PRKCE: variants seen among roughly 807,000 people sequenced by gnomAD.
PRKCE encodes the protein protein kinase C epsilon type.
A neutral mutation model predicts 85.4 loss-of-function variants in PRKCE; 16 were observed. That is an observed-to-expected ratio of 0.19 (90% confidence interval 0.13 to 0.28). The LOEUF (loss-of-function observed/expected upper bound fraction) is 0.28. PRKCE is among the 10% of genes least tolerant of loss of function. PRKCE has a pLI of 1.00. For synonymous variants in PRKCE, 388 were observed against 371.5 expected (o/e 1.04, Z -0.51); for missense variants, 573 against 975.2 (o/e 0.59, Z 5.49).
chr2:45,869,706 C>CTTTTTTTTTTTT (rs71394860), intron 2 of PRKCE, among the ~76,000 whole-genome samples: 1 of 109,310 alleles, frequency 9.1e-6, no homozygotes, highest in Admixed American at 1.1e-4. Flanking sequence ...TTCTCTCTCT[C>CTTTTTTTTTTTT]TTTTTTTTTT....
rs1040409015 is a variant in PRKCE at position 45,907,296 on chromosome 2, T to C, written c.412+64233T>C. On this transcript the variant is annotated intron_variant, in intron 2 of 14. Transcript: ENST00000306156. This position sits in a 1 kb window ranked among gnomAD's most constrained non-coding sequence, Gnocchi z 4.5. Reference sequence around the variant, plus strand: ...AAGGAAAAAATAAATCAGCCCCCTATTGAGTGACTTTCAGGAATGAGAGGC... The same window carrying C: ...AAGGAAAAAATAAATCAGCCCCCTACTGAGTGACTTTCAGGAATGAGAGGC... Among the ~76,000 whole-genome samples the C allele has an allele frequency of 6.6e-6, 1 of 152,170 alleles. No homozygotes were observed. The highest frequency in any genetic ancestry group is 1.5e-5 in the Non-Finnish European group (1 of 68,028).
At chr2:45,776,417 C>A (rs549864425) in intron 1 of PRKCE, among the ~76,000 whole-genome samples, 1 of 152,216 alleles carries the variant, frequency 6.6e-6, no homozygotes, top group East Asian at 1.9e-4. Flanking sequence ...TGCCACTGCT[C>A]CTGAAGAGAA....
intron 2 of PRKCE, among the ~76,000 whole-genome samples, chr2:45,878,672 GACTCAAATAACCT>G (rs1200968071): frequency 1.3e-5 from 2 of 152,104 alleles, no homozygotes; most frequent in African/African-American, 4.8e-5. Flanking sequence ...TGGTATAGTT[GACTCAAATAACCT>G]ACTCTGCCAT....
chr2:46,135,505 G>A (rs1674881961), intron 11 of PRKCE, among the ~76,000 whole-genome samples: 1 of 152,106 alleles, frequency 6.6e-6, no homozygotes, highest in South Asian at 2.1e-4. Flanking sequence ...GAGCACTTGT[G>A]GGATTAAATG....
intron 2 of PRKCE, among the ~76,000 whole-genome samples, chr2:45,847,776 G>T (rs1024687186): frequency 5.3e-5 from 8 of 152,186 alleles, no homozygotes; most frequent in Non-Finnish European, 1.2e-4. Context: ...TCTTCAGAAA[G>T]CTTTTTATAG....
intron 10 of PRKCE, among the ~76,000 whole-genome samples, chr2:46,050,684 T>C (rs1490744811): frequency 6.6e-6 from 1 of 152,194 alleles, no homozygotes; most frequent in Non-Finnish European, 1.5e-5. Flanking sequence ...TCTGGGACAA[T>C]TTCAGGACAC....
intron 2 of PRKCE, among the ~76,000 whole-genome samples, chr2:45,926,074 T>C (rs1006674680): frequency 6.6e-6 from 1 of 152,206 alleles, no homozygotes; most frequent in Admixed American, 6.5e-5. Context: ...AGTTTTTTTC[T>C]ACATCCCAGG....
chr2:45,764,676 T>A (rs1197800114), intron 1 of PRKCE, among the ~76,000 whole-genome samples: 1 of 152,140 alleles, frequency 6.6e-6, no homozygotes, highest in African/African-American at 2.4e-5. Context: ...TGAGAAAAAA[T>A]TGATCTGTTC....
intron 11 of PRKCE, among the ~76,000 whole-genome samples, chr2:46,127,893 G>C (rs1049970508): frequency 1.9e-4 from 29 of 152,230 alleles, no homozygotes; most frequent in Admixed American, 2.0e-4. Context: ...GTGTTTCTCA[G>C]ACATGGCCGT....
rs545140602 is a variant in PRKCE, at chr2:45,670,169, G to C, written c.348+17721G>C. ...GACACCCCCACCCAGTAAGTCGGCC[G>C]CGTGCCTTCTCTAATGGGATTTGAA... On this transcript the variant is annotated intron_variant, in intron 1 of 14. Coordinates refer to ENST00000306156, the MANE Select transcript of PRKCE (RefSeq NM_005400.3). Among the ~76,000 whole-genome samples, 3 of 152,260 alleles carry C rather than the reference G, an allele frequency of 2.0e-5. No homozygotes were observed. The East Asian group carries it at 5.8e-4, about 29-fold the overall frequency.
At chr2:46,137,870 G>A (rs1034599510) in intron 11 of PRKCE, among the ~76,000 whole-genome samples, 5 of 151,778 alleles carry the variant, frequency 3.3e-5, no homozygotes, top group Non-Finnish European at 7.4e-5. Context: ...CATCTTCTTT[G>A]CATACCAGTT....
At chr2:46,048,972 C>G (rs1054648432) in intron 10 of PRKCE, among the ~76,000 whole-genome samples, 2 of 152,114 alleles carry the variant, frequency 1.3e-5, no homozygotes, top group Non-Finnish European at 2.9e-5. Context: ...AGTAATGCCT[C>G]CATCTGACCT....
intron 1 of PRKCE, among the ~76,000 whole-genome samples, chr2:45,665,902 G>T (rs921754023): frequency 6.6e-6 from 1 of 152,156 alleles, no homozygotes; most frequent in African/African-American, 2.4e-5. Context: ...CCCTGTGAGG[G>T]CAGAGGAGGG....
At chr2:45,964,142 G>GT (rs1326070899) in intron 2 of PRKCE, among the ~76,000 whole-genome samples, 4 of 152,194 alleles carry the variant, frequency 2.6e-5, no homozygotes, top group Admixed American at 1.3e-4. Flanking sequence ...TAAAAGGCTT[G>GT]TTATTTGTTC....
intron 1 of PRKCE, among the ~76,000 whole-genome samples, chr2:45,812,305 A>C (rs1188852575): frequency 2.0e-5 from 3 of 152,232 alleles, no homozygotes; most frequent in Admixed American, 6.5e-5. Context: ...GAAGCCACAG[A>C]TCTTGTACGG....
At chr2:45,959,916 G>C (rs765152984) in intron 2 of PRKCE, among the ~76,000 whole-genome samples, 1 of 152,098 alleles carries the variant, frequency 6.6e-6, no homozygotes, top group Non-Finnish European at 1.5e-5. Flanking sequence ...TTATTTGTTT[G>C]TTTGTTTGTT....
chr2:46,047,286 A>T (rs1285615408), intron 10 of PRKCE, among the ~76,000 whole-genome samples: 1 of 152,214 alleles, frequency 6.6e-6, no homozygotes, highest in Non-Finnish European at 1.5e-5. Flanking sequence ...TCTCATCTCC[A>T]GTTGGCCAAG....
intron 2 of PRKCE, among the ~76,000 whole-genome samples, chr2:45,975,862 T>G (rs1202956941): frequency 6.6e-6 from 1 of 152,198 alleles, no homozygotes; most frequent in Non-Finnish European, 1.5e-5. Flanking sequence ...AAAATGCTCT[T>G]GGTTGGCTTA....
intron 12 of PRKCE, among the ~76,000 whole-genome samples, chr2:46,146,682 G>C (rs1236428605): frequency 6.6e-6 from 1 of 152,196 alleles, no homozygotes; most frequent in African/African-American, 2.4e-5. Context: ...TTTGAGGGCA[G>C]GGTCTGTGTT....
Sources: allele counts gnomAD v4.1 joint callset (sites outside exome capture counted in the v4.1 genomes callset), GRCh38; gene constraint gnomAD v4.1.1; non-coding constraint Gnocchi (gnomAD v3.1); transcripts MANE v1.5; gene names NCBI Gene and HGNC (gene_info 2026-07-23, HGNC 2026-07-21).